The following TAX1BP1 variants were observed in gnomAD, a reference collection of about 807,000 sequenced individuals.
The protein encoded by TAX1BP1 is tax1-binding protein 1.
Under a neutral mutation model 97.7 loss-of-function variants are expected in TAX1BP1, and 62 were observed. The observed-to-expected ratio is 0.63, with a 90% confidence interval of 0.52 to 0.78. The LOEUF (loss-of-function observed/expected upper bound fraction) is 0.78, where lower values mean the gene tolerates loss of function less well. Among genes scored for constraint, TAX1BP1 ranks in the 30% least tolerant of loss-of-function variants. TAX1BP1 has a pLI of 0.00. For missense variants in TAX1BP1, 867 were observed against 916.1 expected (o/e 0.95, Z 0.69); for synonymous variants, 340 against 304.2 (o/e 1.12, Z -1.23).
chr7:27,778,788 C>T (rs535204654), intron 5 of TAX1BP1, among the ~76,000 whole-genome samples: 4 of 151,212 alleles, frequency 2.6e-5, no homozygotes, highest in South Asian at 4.2e-4. Context: ...CTTGAACCTG[C>T]GAGGTGGAGG....
At chr7:27,777,626 T>A (rs1789080555) in intron 5 of TAX1BP1, among the ~76,000 whole-genome samples, 1 of 152,130 alleles carries the variant, frequency 6.6e-6, no homozygotes, top group African/African-American at 2.4e-5. Context: ...TCCTTGCAGA[T>A]CTCTCGAGTT....
intron 13 of TAX1BP1, among the ~76,000 whole-genome samples, chr7:27,816,017 C>T (rs1424192739): frequency 6.6e-6 from 1 of 151,946 alleles, no homozygotes; most frequent in Non-Finnish European, 1.5e-5. Flanking sequence ...CTGGGTGAAG[C>T]TCTGTCTCAA....
intron 1 of TAX1BP1, among the ~76,000 whole-genome samples, chr7:27,746,708 A>C (rs1787835376): frequency 7.7e-6 from 1 of 130,302 alleles, no homozygotes; most frequent in Non-Finnish European, 1.7e-5. Flanking sequence ...GGGGATTGCT[A>C]CTGAATATAC....
chr7:27,802,549 G>A (rs1562733140), intron 13 of TAX1BP1, among the ~76,000 whole-genome samples: 2 of 152,180 alleles, frequency 1.3e-5, no homozygotes, highest in Non-Finnish European at 2.9e-5. Context: ...AAAGTGTTGG[G>A]GAGTGGAGAA....
chr7:27,789,856 G>T (rs1157876775), intron 8 of TAX1BP1, among the ~76,000 whole-genome samples: 1 of 151,958 alleles, frequency 6.6e-6, no homozygotes, highest in Non-Finnish European at 1.5e-5. Flanking sequence ...GCAAACATGA[G>T]AAGTGTATTT....
chr7:27,749,755 A>G (rs1254930137), intron 2 of TAX1BP1, among the ~76,000 whole-genome samples: 1 of 152,190 alleles, frequency 6.6e-6, no homozygotes, highest in East Asian at 1.9e-4. Context: ...AGAAACATTC[A>G]TTGTAACAAT....
rs751739165 is a variant in TAX1BP1 at position 27,787,450 on chromosome 7, C to G, written c.885C>G (p.Thr295=). The change falls in exon 8 of 17, where the codon ACC becomes ACG. Residue 295 remains threonine (T), a synonymous_variant. Transcript: ENST00000396319. ...VHLKNTEIEN[T]KLMSEVQTLK... is the part of the protein sequence containing the mutation. ...TGAAGAATACAGAAATAGAAAATACCAAGCTTATGTCAGAGGTCCAGACTT... is the reference window on the plus strand; with the variant it reads ...TGAAGAATACAGAAATAGAAAATACGAAGCTTATGTCAGAGGTCCAGACTT... The G allele has an allele frequency of 2.5e-6, 4 of 1,608,748 alleles. No individual in the cohort carries two copies. The highest frequency in any genetic ancestry group is 3.4e-6 in the Non-Finnish European group (4 of 1,178,028).
At chr7:27,765,508 T>G (rs1278726674) in intron 3 of TAX1BP1, among the ~76,000 whole-genome samples, 3 of 152,320 alleles carry the variant, frequency 2.0e-5, no homozygotes, top group Middle Eastern at 6.8e-3. Flanking sequence ...ACTTTTATAT[T>G]GGTTCTTCCC....
chr7:27,771,520 A>G (rs1368538034), intron 5 of TAX1BP1, among the ~76,000 whole-genome samples: 2 of 151,934 alleles, frequency 1.3e-5, no homozygotes, highest in Admixed American at 6.6e-5. Flanking sequence ...TCTCTGGTCC[A>G]TTTGAGTAGT....
chr7:27,771,873 G>C (rs1241349865), intron 5 of TAX1BP1: 1 of 151,976 alleles, frequency 6.6e-6, no homozygotes. Context: ...TGATGCATGG[G>C]AAGTTCTCTC....
At position 27,829,071 on chromosome 7, in the gene TAX1BP1, CTT is replaced by C; in HGVS notation, c.*244_*245del. 2.6e-6 allele frequency: 1 copy of C among 380,402 alleles called. No homozygotes were observed. Among genetic ancestry groups the C allele is most frequent in the Non-Finnish European group, 4.7e-6 (1 of 214,560 alleles). The allele number at this position is 380,402 out of a possible 1,614,324, so 23.6% of individuals were successfully genotyped here. A position where few individuals can be genotyped will look rare whatever the true frequency, so the allele number is the denominator to read the frequency against. ...AAAAAAAGTTCTTGTGTGTTCGTAT[CTT>C]TATTTATTCCCTAGTTTGCAGAACT... is the stretch of plus-strand genomic sequence containing the variant. On this transcript the variant is annotated 3_prime_UTR_variant, in exon 17 of 17. Coordinates refer to ENST00000396319, the MANE Select transcript of TAX1BP1 (RefSeq NM_006024.7).
intron 13 of TAX1BP1, among the ~76,000 whole-genome samples, chr7:27,808,073 A>G (rs1300005668): frequency 6.6e-6 from 1 of 152,154 alleles, no homozygotes; most frequent in African/African-American, 2.4e-5. Context: ...CCAGCCTGGA[A>G]TCAGTCTTTT....
chr7:27,795,838 A>G (rs1789908928), intron 11 of TAX1BP1, among the ~76,000 whole-genome samples: 1 of 152,226 alleles, frequency 6.6e-6, no homozygotes, highest in South Asian at 2.1e-4. Context: ...GGCATGAGCC[A>G]CCGTGCCCGG....
At chr7:27,820,355 C>T (rs938958035) in intron 15 of TAX1BP1, among the ~76,000 whole-genome samples, 8 of 152,010 alleles carry the variant, frequency 5.3e-5, no homozygotes, top group African/African-American at 1.9e-4. Context: ...TTTCTTTTTT[C>T]TGGTGAGTTC....
At chr7:27,793,348 T>C (rs1183443004) in intron 10 of TAX1BP1, 136 bp downstream of exon 10, 2 of 790,754 alleles carry the variant, frequency 2.5e-6, no homozygotes, top group Non-Finnish European at 3.7e-6. Flanking sequence ...TGGCCAAATA[T>C]TGTAATAACT....
intron 7 of TAX1BP1, 110 bp from the exon 8 acceptor site, chr7:27,787,308 C>A (rs1789526644): frequency 9.9e-7 from 1 of 1,010,288 alleles, no homozygotes; most frequent in African/African-American, 1.6e-5. Flanking sequence ...TCTAGTATGT[C>A]TTTCCTTCCT....
At chr7:27,823,691 G>A (rs1489177328) in intron 15 of TAX1BP1, among the ~76,000 whole-genome samples, 1 of 152,122 alleles carries the variant, frequency 6.6e-6, no homozygotes, top group Non-Finnish European at 1.5e-5. Context: ...GTTCTGTAAT[G>A]TTAACTTTAC....
intron 11 of TAX1BP1, 41 bp downstream of exon 11, chr7:27,794,487 T>A: frequency 3.2e-6 from 5 of 1,540,248 alleles, no homozygotes; most frequent in Non-Finnish European, 4.4e-6. Flanking sequence ...TGTCCTACAT[T>A]GAAAAGTACT....
At chr7:27,768,712 A>G (rs553982500) in intron 4 of TAX1BP1, among the ~76,000 whole-genome samples, 179 of 152,154 alleles carry the variant, frequency 1.2e-3, no homozygotes, top group African/African-American at 4.0e-3. Context: ...AAAAAATTCA[A>G]TGATTGAATA....
Sources: allele counts gnomAD v4.1 joint callset (sites outside exome capture counted in the v4.1 genomes callset), GRCh38; gene constraint gnomAD v4.1.1; transcripts MANE v1.5; gene names NCBI Gene and HGNC (gene_info 2026-07-23, HGNC 2026-07-21).